ANKRD11: variants seen among roughly 807,000 people sequenced by gnomAD.
ANKRD11 encodes ankyrin repeat domain 11, also known as ankyrin repeat domain-containing protein 11.
A neutral mutation model predicts 195.7 loss-of-function variants in ANKRD11; 17 were observed. The observed-to-expected ratio is 0.09, with a 90% confidence interval of 0.06 to 0.13. The LOEUF (loss-of-function observed/expected upper bound fraction) is 0.13, where lower values mean the gene tolerates loss of function less well. Among genes scored for constraint, ANKRD11 ranks in the 10% least tolerant of loss-of-function variants. ANKRD11 has a pLI of 1.00. For synonymous variants in ANKRD11, 1,953 were observed against 1,528.1 expected (o/e 1.28, Z -6.49); for missense variants, 3,735 against 3,566.1 (o/e 1.05, Z -1.21).
intron 2 of ANKRD11, among the ~76,000 whole-genome samples, chr16:89,399,316 C>T (rs191651775): frequency 6.6e-6 from 1 of 152,234 alleles, no homozygotes; most frequent in Non-Finnish European, 1.5e-5. Context: ...ATTAAACACC[C>T]GGCGTCCATC....
intron 2 of ANKRD11, among the ~76,000 whole-genome samples, chr16:89,383,723 C>T (rs535957901): frequency 1.3e-5 from 2 of 152,282 alleles, no homozygotes; most frequent in Admixed American, 6.5e-5. Flanking sequence ...ACGCAGCAGA[C>T]GTCCAGCCCC....
Position 89,285,912 on chromosome 16 carries a change from G to C in ANKRD11, c.892+127C>G. On this transcript the variant is annotated intron_variant, in intron 8 of 12. Transcript: ENST00000301030. This position sits in a 1 kb window ranked among gnomAD's most constrained non-coding sequence, Gnocchi z 5.6. ...CCTGGGCGGGGTCTCCCGCAGTCCAGAAGCTCCTGTAAGCCCCCAGCATCC... is the reference window on the plus strand; with the variant it reads ...CCTGGGCGGGGTCTCCCGCAGTCCACAAGCTCCTGTAAGCCCCCAGCATCC... 6.7e-7 allele frequency: 1 copy of C among 1,482,876 alleles called. No individual in the cohort carries two copies. The highest frequency in any genetic ancestry group is 9.3e-7 in the Non-Finnish European group (1 of 1,076,106). The allele number at this position is 1,482,876 out of a possible 1,614,324, so 91.9% of individuals were successfully genotyped here.
At chr16:89,375,033 TATAA>T (rs2040358772) in intron 2 of ANKRD11, among the ~76,000 whole-genome samples, 1 of 152,060 alleles carries the variant, frequency 6.6e-6, no homozygotes. Flanking sequence ...ATTAAACGCT[TATAA>T]ATACTTACAG....
intron 1 of ANKRD11, among the ~76,000 whole-genome samples, chr16:89,450,490 AATACTTGCAAGT>A (rs1215035202): frequency 6.6e-6 from 1 of 152,134 alleles, no homozygotes; most frequent in East Asian, 1.9e-4. Flanking sequence ...ACCCTCAACA[AATACTTGCAAGT>A]ATAAAGTTCG....
rs562875184 is a variant in ANKRD11 at position 89,389,532 on chromosome 16, C to T, written c.-60+28752G>A. ...TCCCCACGGTCAAAAACTAAAAACA[C>T]GGAAGCTAGGAAAAGACACTGGAAT... On this transcript the variant is annotated intron_variant, in intron 2 of 12. Coordinates refer to ENST00000301030, the MANE Select transcript of ANKRD11 (RefSeq NM_013275.6). Among the ~76,000 whole-genome samples the T allele has an allele frequency of 2.6e-5, 4 of 152,152 alleles. No individual in the cohort carries two copies. The South Asian group carries it at 8.3e-4, about 32-fold the overall frequency.
chr16:89,367,532 A>C (rs953030527), intron 2 of ANKRD11, among the ~76,000 whole-genome samples: 2 of 152,184 alleles, frequency 1.3e-5, no homozygotes, highest in African/African-American at 4.8e-5. Flanking sequence ...AGGCCACGGC[A>C]CACACCAGTC....
intron 1 of ANKRD11, among the ~76,000 whole-genome samples, chr16:89,439,115 TC>T (rs1327233390): frequency 6.6e-6 from 1 of 151,814 alleles, no homozygotes; most frequent in Non-Finnish European, 1.5e-5. Flanking sequence ...AATGGGAAAC[TC>T]CCTCTGTGTG....
intron 2 of ANKRD11, among the ~76,000 whole-genome samples, chr16:89,393,749 C>T (rs1288734675): frequency 6.6e-6 from 1 of 152,078 alleles, no homozygotes; most frequent in Non-Finnish European, 1.5e-5. Context: ...CCCAGCTGGG[C>T]CTATTGCCCT....
At chr16:89,473,555 C>T (rs2057159068) in intron 1 of ANKRD11, among the ~76,000 whole-genome samples, 1 of 152,208 alleles carries the variant, frequency 6.6e-6, no homozygotes, top group Non-Finnish European at 1.5e-5. Context: ...GGCCACGAGT[C>T]TTGATTCTAC....
intron 3 of ANKRD11, among the ~76,000 whole-genome samples, chr16:89,316,093 G>A (rs554128491): frequency 3.9e-5 from 6 of 152,192 alleles, no homozygotes; most frequent in South Asian, 2.1e-4. Flanking sequence ...AAGGAGGCAC[G>A]AGGATCAAAG....
chr16:89,475,299 C>A (rs2057219793), intron 1 of ANKRD11, among the ~76,000 whole-genome samples: 1 of 152,168 alleles, frequency 6.6e-6, no homozygotes, highest in Non-Finnish European at 1.5e-5. Flanking sequence ...TCCTGAGGCT[C>A]CGTGGCCAAG....
At chr16:89,313,962 G>A (rs1029668125) in intron 3 of ANKRD11, among the ~76,000 whole-genome samples, 1 of 152,168 alleles carries the variant, frequency 6.6e-6, no homozygotes, top group Admixed American at 6.5e-5. Flanking sequence ...AGGACAGGCT[G>A]GGTGTGGTAG....
intron 2 of ANKRD11, among the ~76,000 whole-genome samples, chr16:89,377,462 G>A (rs2040471827): frequency 6.6e-6 from 1 of 151,878 alleles, no homozygotes; most frequent in Non-Finnish European, 1.5e-5. Flanking sequence ...AAGAGACTGC[G>A]GACATGTGGG....
chr16:89,277,866 CA>C (rs1356201002), intron 9 of ANKRD11: 1 of 155,660 alleles, frequency 6.4e-6, no homozygotes, highest in Admixed American at 6.2e-5. Context: ...TCATCCTCAC[CA>C]GGGGGGTGCT....
At chr16:89,341,932 CTGCA>C (rs2038691453) in intron 2 of ANKRD11, among the ~76,000 whole-genome samples, 6 of 150,908 alleles carry the variant, frequency 4.0e-5, no homozygotes, top group African/African-American at 1.5e-4. Flanking sequence ...GGCGGGAGTG[CTGCA>C]CCTCCTCCAC....
chr16:89,325,971 A>G (rs1267018150), intron 2 of ANKRD11, among the ~76,000 whole-genome samples: 1 of 152,222 alleles, frequency 6.6e-6, no homozygotes, highest in African/African-American at 2.4e-5. Context: ...GCCATGCCCA[A>G]TACACACTGC....
At chr16:89,331,700 A>T (rs1442400504) in intron 2 of ANKRD11, among the ~76,000 whole-genome samples, 4 of 152,276 alleles carry the variant, frequency 2.6e-5, no homozygotes, top group African/African-American at 9.6e-5. Flanking sequence ...AGCTCCCTAC[A>T]GCCTCGAACT....
chr16:89,291,313 T>C lies in ANKRD11; in HGVS notation c.227-130A>G. 8.4e-7 allele frequency: 1 copy of C among 1,192,546 alleles called. No homozygotes were observed. The highest frequency in any genetic ancestry group is 1.3e-5 in the South Asian group (1 of 76,392). The allele number at this position is 1,192,546 out of a possible 1,614,324, so 73.9% of individuals were successfully genotyped here. ...AGCTGACAGAGCAGAAAGGAAGGTC[T>C]GTGTATGGGGAAAGCACAGCGGTGC... On this transcript the variant is annotated intron_variant, in intron 4 of 12. Coordinates refer to ENST00000301030, the MANE Select transcript of ANKRD11 (RefSeq NM_013275.6). The surrounding 1 kb of genome is among the most constrained non-coding windows in gnomAD (Gnocchi z 5.3).
chr16:89,433,677 G>A (rs946615855), intron 1 of ANKRD11, among the ~76,000 whole-genome samples: 3 of 150,542 alleles, frequency 2.0e-5, no homozygotes, highest in African/African-American at 7.3e-5. Context: ...GAGAAGGAAC[G>A]GGCTTGGACG....
Sources: gnomAD v4.1 joint callset for allele counts (sites outside exome capture counted in the v4.1 genomes callset) on GRCh38, gnomAD v4.1.1 for gene constraint, Gnocchi (gnomAD v3.1) non-coding constraint, MANE v1.5 for transcripts, NCBI Gene and HGNC (gene_info 2026-07-23, HGNC 2026-07-21) for gene names.